Variants in JPT2 observed in about 807,000 individuals in gnomAD.
The protein encoded by JPT2 is Jupiter microtubule associated homolog 2.
JPT2 carries 9 observed loss-of-function variants against 15.9 expected under a neutral mutation model. The ratio of observed to expected loss-of-function variants is 0.57; its 90% CI spans 0.34 to 0.99. The LOEUF is 0.99. Among genes scored for constraint, JPT2 ranks in the 50% least tolerant of loss-of-function variants. The probability of loss-of-function intolerance (pLI) is 0.02; values close to 1 mark genes in which losing one functional copy is unlikely to be tolerated. For missense variants in JPT2, 267 were observed against 252.1 expected (o/e 1.06, Z -0.40); for synonymous variants, 95 against 91.7 (o/e 1.04, Z -0.21).
At chr16:1,690,419 T>A (rs1348240665) in intron 2 of JPT2, 4 of 152,268 alleles carry the variant, frequency 2.6e-5, no homozygotes, top group African/African-American at 9.6e-5. Flanking sequence ...TCTCTGCCTA[T>A]ATAAATGAAA....
At chr16:1,681,601 G>C (rs1049936448) in intron 1 of JPT2, among the ~76,000 whole-genome samples, 3 of 152,124 alleles carry the variant, frequency 2.0e-5, no homozygotes, top group African/African-American at 7.2e-5. Context: ...ATGGCACTAG[G>C]CGTCTGTCAC....
In JPT2 at chr16:1,681,177, C is replaced by T. The variant is rs117152460; in HGVS notation, c.44+2821C>T. Among the ~76,000 whole-genome samples, 134 of 152,306 alleles carry T rather than the reference C, an allele frequency of 8.8e-4. 3 individuals carry two copies. In the South Asian group the frequency reaches 0.025, roughly 29 times the overall value. ...TAAGTGCCTGTAGCCTAGAGAAAGC[C>T]ACACTGCGCCATTGTTGTCGGGCTG... On this transcript the variant is annotated intron_variant, in intron 1 of 4. Coordinates refer to ENST00000248098, the MANE Select transcript of JPT2 (RefSeq NM_144570.3).
At chr16:1,688,794 G>T (rs1464068527) in intron 2 of JPT2, 3 of 152,228 alleles carry the variant, frequency 2.0e-5, no homozygotes, top group Admixed American at 1.3e-4. Context: ...AACATCTCTC[G>T]AGTTTATCTT....
chr16:1,689,385 A>AG (rs1486734302), intron 2 of JPT2: 2 of 152,204 alleles, frequency 1.3e-5, no homozygotes, highest in East Asian at 3.8e-4. Context: ...GGCCAGGACT[A>AG]TTCTAACCAC....
intron 1 of JPT2, among the ~76,000 whole-genome samples, chr16:1,683,047 G>A (rs1285862502): frequency 6.6e-6 from 1 of 152,120 alleles, no homozygotes; most frequent in Non-Finnish European, 1.5e-5. Flanking sequence ...GCGCATCTTG[G>A]TTCACTGCAA....
At chr16:1,702,124 A>G (rs1490175586), downstream of JPT2, 1 of 455,876 alleles carries the variant, frequency 2.2e-6, no homozygotes, top group Non-Finnish European at 4.4e-6. Flanking sequence ...AACATACTTA[A>G]TATCCTTACA....
At chr16:1,684,299 C>T (rs1457850808) in intron 1 of JPT2, among the ~76,000 whole-genome samples, 1 of 152,198 alleles carries the variant, frequency 6.6e-6, no homozygotes, top group Non-Finnish European at 1.5e-5. Context: ...ATCTCAATTT[C>T]AGTAAGCCTC....
chr16:1,678,300 G>C lies in JPT2; in HGVS notation c.-13G>C. 8.1e-7 allele frequency: 1 copy of C among 1,237,252 alleles called. No individual in the cohort carries two copies. The highest frequency in any genetic ancestry group is 1.0e-6 in the Non-Finnish European group (1 of 987,314). 76.6% of individuals were successfully genotyped at this position (1,237,252 alleles called of 1,614,324 possible). On this transcript the variant is annotated 5_prime_UTR_variant, in exon 1 of 5. Transcript: ENST00000248098. ...GAACGGCGCGCGGCGAGCTGAGGGT[G>C]GCGGCGGTCGACATGTTCCAGGTCC...
At chr16:1,702,610 C>T (rs969075873), downstream of JPT2, among the ~76,000 whole-genome samples, 1 of 152,340 alleles carries the variant, frequency 6.6e-6, no homozygotes. Context: ...CCTGGTAGGT[C>T]ACACCCTGTG....
At chr16:1,688,361 G>A (rs2037082438) in intron 2 of JPT2, 1 of 152,156 alleles carries the variant, frequency 6.6e-6, no homozygotes, top group African/African-American at 2.4e-5. Flanking sequence ...TTGAATTGAG[G>A]TTTTTCTGAC....
chr16:1,692,097 C>T (rs1466795815), intron 3 of JPT2, 112 bp downstream of exon 3: 37 of 1,346,502 alleles, frequency 2.7e-5, no homozygotes, highest in Non-Finnish European at 3.5e-5. Context: ...TGGTGGGTGC[C>T]GTAGATTATC....
At chr16:1,696,088 G>C (rs1422913510) in intron 3 of JPT2, among the ~76,000 whole-genome samples, 1 of 152,078 alleles carries the variant, frequency 6.6e-6, no homozygotes, top group East Asian at 1.9e-4. Flanking sequence ...AACTAGCCGG[G>C]CATGATGGTG....
In JPT2 at chr16:1,700,490, T is replaced by C. The variant is rs1047239430; in HGVS notation, c.*1492T>C. The stretch of plus-strand genomic sequence containing the variant: ...TTAAACTTCAGAAAAGCAGCAGCCA[T>C]GTTCAGTCAGGCTCATGCTGCCTCA... On this transcript the variant is annotated 3_prime_UTR_variant, in exon 5 of 5. Transcript: ENST00000248098. 3 of 204,160 alleles carry C rather than the reference T, an allele frequency of 1.5e-5. No individual in the cohort carries two copies. The highest frequency in any genetic ancestry group is 3.2e-5 in the Non-Finnish European group (3 of 94,222). 12.6% of individuals were successfully genotyped at this position (204,160 alleles called of 1,614,324 possible).
intron 3 of JPT2, 129 bp downstream of exon 3, chr16:1,692,114 G>A: frequency 2.5e-6 from 3 of 1,198,794 alleles, no homozygotes; most frequent in Non-Finnish European, 3.5e-6. Flanking sequence ...TATCCTGGAT[G>A]CAAGCATTAG....
intron 1 of JPT2, chr16:1,683,426 A>G: frequency 1.1e-6 from 1 of 895,648 alleles, no homozygotes; most frequent in Non-Finnish European, 1.7e-6. Flanking sequence ...TTTCTCATTT[A>G]AGCTTGGTTA....
At chr16:1,684,446 A>C (rs956579457) in intron 1 of JPT2, among the ~76,000 whole-genome samples, 3 of 152,208 alleles carry the variant, frequency 2.0e-5, no homozygotes, top group African/African-American at 7.2e-5. Context: ...TTTACAATAA[A>C]AAGTGATTCA....
intron 1 of JPT2, among the ~76,000 whole-genome samples, chr16:1,680,960 G>T (rs2037018004): frequency 6.6e-6 from 1 of 152,194 alleles, no homozygotes; most frequent in Non-Finnish European, 1.5e-5. Context: ...GTCCACTCCA[G>T]CTGTGTGAGG....
At chr16:1,691,494 A>C (rs2037103249) in intron 2 of JPT2, among the ~76,000 whole-genome samples, 2 of 152,204 alleles carry the variant, frequency 1.3e-5, no homozygotes, top group African/African-American at 4.8e-5. Context: ...AGAACTTTTC[A>C]TGGGTTTTGT....
chr16:1,689,020 A>G (rs562961044), intron 2 of JPT2: 1 of 152,190 alleles, frequency 6.6e-6, no homozygotes, highest in Non-Finnish European at 1.5e-5. Context: ...GTGAAGGAAC[A>G]CAGGAGTTTC....
Sources: gnomAD v4.1 joint callset for allele counts (sites outside exome capture counted in the v4.1 genomes callset) on GRCh38, gnomAD v4.1.1 for gene constraint, MANE v1.5 for transcripts, NCBI Gene and HGNC (gene_info 2026-07-23, HGNC 2026-07-21) for gene names.